CPXM2: variants seen among roughly 807,000 people sequenced by gnomAD.
CPXM2 encodes the protein carboxypeptidase X, M14 family member 2.
In CPXM2, 66 loss-of-function variants were observed where a neutral mutation model predicts 86.1. The ratio of observed to expected loss-of-function variants is 0.77; its 90% CI spans 0.63 to 0.94. CPXM2 has a LOEUF of 0.94. CPXM2 is among the 40% of genes least tolerant of loss of function. The pLI is 0.00. For missense variants in CPXM2, 948 were observed against 1,026.3 expected (o/e 0.92, Z 1.04); for synonymous variants, 388 against 400.2 (o/e 0.97, Z 0.36).
rs141800267 is a variant in CPXM2, at chr10:123,867,678, G to A, written c.404-4955C>T. Among the ~76,000 whole-genome samples, 22 of 152,040 alleles carry A rather than the reference G, an allele frequency of 1.4e-4. No homozygotes were observed. In the East Asian group the frequency reaches 3.1e-3, roughly 21 times the overall value. On this transcript the variant is annotated intron_variant, in intron 2 of 13. Transcript: ENST00000241305. Reference sequence around the variant, plus strand: ...CTCCCAAGTAGCTGGGATTATAGGCGCCTGCAACCATGCCCGGCTAATTTT... The same window carrying A: ...CTCCCAAGTAGCTGGGATTATAGGCACCTGCAACCATGCCCGGCTAATTTT...
intron 3 of CPXM2, among the ~76,000 whole-genome samples, chr10:123,846,607 CA>C (rs1029798835): frequency 2.0e-5 from 3 of 151,924 alleles, no homozygotes; most frequent in Admixed American, 6.6e-5. Context: ...GGATGCACTC[CA>C]AAAAAATGAG....
intron 4 of CPXM2, among the ~76,000 whole-genome samples, chr10:123,810,759 C>CA (rs1248820424): frequency 6.6e-6 from 1 of 151,878 alleles, no homozygotes; most frequent in Non-Finnish European, 1.5e-5. Flanking sequence ...CAATTCTTTC[C>CA]AAAAATCTCA....
At chr10:123,938,441 G>C (rs541600777) in intron 2 of CPXM2, among the ~76,000 whole-genome samples, 3 of 152,338 alleles carry the variant, frequency 2.0e-5, no homozygotes, top group Admixed American at 6.5e-5. Context: ...TGGCTTCAAA[G>C]AGCATGTCTG....
At chr10:123,840,050 C>A (rs1198884106) in intron 4 of CPXM2, among the ~76,000 whole-genome samples, 2 of 152,196 alleles carry the variant, frequency 1.3e-5, no homozygotes, top group African/African-American at 4.8e-5. Flanking sequence ...TTTATACCTA[C>A]CTTTCACTTA....
chr10:123,840,382 A>G (rs75656484), intron 4 of CPXM2, among the ~76,000 whole-genome samples: 52 of 152,404 alleles, frequency 3.4e-4, no homozygotes, highest in African/African-American at 1.2e-3. Context: ...GCATAAATGC[A>G]TAATCAACTG....
intron 6 of CPXM2, among the ~76,000 whole-genome samples, chr10:123,784,672 G>A (rs186818661): frequency 1.3e-5 from 2 of 152,310 alleles, no homozygotes; most frequent in East Asian, 1.9e-4. Flanking sequence ...ATTCTTGGGA[G>A]CCCTCTGGAG....
intron 2 of CPXM2, among the ~76,000 whole-genome samples, chr10:123,911,951 C>G (rs1283732475): frequency 6.6e-6 from 1 of 151,942 alleles, no homozygotes; most frequent in African/African-American, 2.4e-5. Context: ...AGCTTCAGAG[C>G]AGGAGTGAAA....
At chr10:123,830,872 C>CTCTG (rs1258897184) in intron 4 of CPXM2, among the ~76,000 whole-genome samples, 106 of 142,798 alleles carry the variant, frequency 7.4e-4, no homozygotes, top group African/African-American at 1.9e-3. Context: ...CTCTCTCTCT[C>CTCTG]TGTGTGTGTG....
intron 3 of CPXM2, among the ~76,000 whole-genome samples, chr10:123,843,487 G>A (rs951873900): frequency 1.5e-5 from 2 of 136,658 alleles, no homozygotes; most frequent in Non-Finnish European, 1.5e-5. Flanking sequence ...AGGCTGGAGT[G>A]CAGTGGCGCC....
intron 9 of CPXM2, 39 bp downstream of exon 9, chr10:123,768,487 G>T (rs1165082803): frequency 1.3e-6 from 2 of 1,556,638 alleles, no homozygotes; most frequent in Non-Finnish European, 8.8e-7. Flanking sequence ...GGGCCTCGCT[G>T]CCCATGTCCT....
intron 2 of CPXM2, among the ~76,000 whole-genome samples, chr10:123,937,402 C>T (rs1590131222): frequency 6.6e-6 from 1 of 151,820 alleles, no homozygotes. Context: ...GGACCCCCCA[C>T]CCCAAATGTC....
chr10:123,938,607 A>G (rs1945745064), intron 2 of CPXM2, among the ~76,000 whole-genome samples: 1 of 152,134 alleles, frequency 6.6e-6, no homozygotes, highest in Non-Finnish European at 1.5e-5. Context: ...GGAGCCTGGG[A>G]CACTGTGCAC....
rs751657611 is a variant in CPXM2 at position 123,798,979 on chromosome 10, C to T, written c.738+136G>A. ...TTCAGGGCAGGGAAAGGGTCTCTGT[C>T]CATCAGACTGTAGTGGTAGGTTTGA... On this transcript the variant is annotated intron_variant, in intron 5 of 13. Coordinates refer to ENST00000241305, the MANE Select transcript of CPXM2 (RefSeq NM_198148.3). The T allele has an allele frequency of 1.4e-4, 131 of 936,366 alleles. 2 individuals are homozygous for T. The highest frequency in any genetic ancestry group is 1.3e-4 in the Non-Finnish European group (78 of 598,212). 58.0% of individuals were successfully genotyped at this position (936,366 alleles called of 1,614,324 possible).
At chr10:123,858,694 G>A (rs1438104770) in intron 3 of CPXM2, among the ~76,000 whole-genome samples, 1 of 152,172 alleles carries the variant, frequency 6.6e-6, no homozygotes, top group African/African-American at 2.4e-5. Context: ...ACTTAGCACT[G>A]TGCCAATAAT....
chr10:123,757,135 A>G (rs923937324), intron 12 of CPXM2, 78 bp downstream of exon 12: 1 of 1,353,786 alleles, frequency 7.4e-7, no homozygotes, highest in Non-Finnish European at 1.0e-6. Context: ...CTCTAATTCC[A>G]TCCCATACTT....
At chr10:123,860,391 C>T (rs1010807760) in intron 3 of CPXM2, among the ~76,000 whole-genome samples, 5 of 152,194 alleles carry the variant, frequency 3.3e-5, no homozygotes, top group African/African-American at 9.7e-5. Flanking sequence ...CCAAGGTCTG[C>T]ACTCAGCATG....
At chr10:123,756,455 C>G (rs959917933) in intron 12 of CPXM2, among the ~76,000 whole-genome samples, 2 of 152,142 alleles carry the variant, frequency 1.3e-5, no homozygotes, top group Non-Finnish European at 2.9e-5. Context: ...CAGCCCCTCC[C>G]CAGCTGGGCA....
chr10:123,807,787 GCTATAATGTC>G (rs1371409391), intron 4 of CPXM2, among the ~76,000 whole-genome samples: 1 of 152,206 alleles, frequency 6.6e-6, no homozygotes, highest in Non-Finnish European at 1.5e-5. Flanking sequence ...GAAGACTGAA[GCTATAATGTC>G]ACTGTTTCCT....
chr10:123,768,660 G>A lies in CPXM2; in HGVS notation c.1165C>T (p.Leu389=), dbSNP rs1370325158. ...HGNEVLGREL[L]LLLVQFVCQE... Reference sequence around the variant, plus strand: ...CACACGAACTGCACCAGCAGCAGCAGCAGCTCCCGGCCCAGCACCTCATTG... The same window carrying A: ...CACACGAACTGCACCAGCAGCAGCAACAGCTCCCGGCCCAGCACCTCATTG... Residue 389 remains leucine (L), a synonymous_variant, in exon 9 of 14, where the codon CTG becomes TTG. Transcript: ENST00000241305. The A allele has an allele frequency of 6.2e-7, 1 of 1,613,296 alleles. No individual in the cohort carries two copies. Among genetic ancestry groups the A allele is most frequent in the Non-Finnish European group, 8.5e-7 (1 of 1,180,004 alleles).
Sources: allele counts gnomAD v4.1 joint callset (sites outside exome capture counted in the v4.1 genomes callset), GRCh38; gene constraint gnomAD v4.1.1; transcripts MANE v1.5; gene names NCBI Gene and HGNC (gene_info 2026-07-23, HGNC 2026-07-21).